CDK12: variants seen among roughly 807,000 people sequenced by gnomAD.
CDK12 encodes the protein cyclin-dependent kinase 12.
Under a neutral mutation model 133.8 loss-of-function variants are expected in CDK12, and 17 were observed. The ratio of observed to expected loss-of-function variants is 0.13; its 90% CI spans 0.09 to 0.19. The LOEUF (loss-of-function observed/expected upper bound fraction) is 0.19. Among genes scored for constraint, CDK12 ranks in the 10% least tolerant of loss-of-function variants. CDK12 has a pLI of 1.00. For missense variants in CDK12, 1,508 were observed against 1,818.7 expected (o/e 0.83, Z 3.11); for synonymous variants, 694 against 683.6 (o/e 1.02, Z -0.24).
intron 2 of CDK12, among the ~76,000 whole-genome samples, chr17:39,474,006 G>A (rs1392015759): frequency 6.6e-6 from 1 of 152,142 alleles, no homozygotes; most frequent in African/African-American, 2.4e-5. Flanking sequence ...GCAGTGAGCC[G>A]AGGTCATGCC....
intron 5 of CDK12, among the ~76,000 whole-genome samples, chr17:39,498,634 A>T (rs893585510): frequency 1.1e-4 from 17 of 152,006 alleles, no homozygotes; most frequent in Non-Finnish European, 2.5e-4. Flanking sequence ...GGCTCAAATG[A>T]TTCTCTTGCC....
intron 11 of CDK12, 104 bp downstream of exon 11, chr17:39,520,191 A>T: frequency 8.1e-7 from 1 of 1,231,412 alleles, no homozygotes; most frequent in South Asian, 1.4e-5. Flanking sequence ...CCAAATGAAG[A>T]GGTGTCTTTG....
At chr17:39,511,444 C>T in intron 7 of CDK12, 85 bp from the exon 8 acceptor site, 1 of 839,908 alleles carries the variant, frequency 1.2e-6, no homozygotes. Flanking sequence ...CATTTGGCAC[C>T]TATTTCTATT....
downstream of CDK12, among the ~76,000 whole-genome samples, chr17:39,537,235 A>G (rs1337991860): frequency 6.6e-6 from 1 of 152,116 alleles, no homozygotes; most frequent in Non-Finnish European, 1.5e-5. Flanking sequence ...AATGAGGGAC[A>G]CCCTTGGTGA....
chr17:39,496,942 T>TA (rs2052168957), intron 5 of CDK12, among the ~76,000 whole-genome samples: 4 of 92,730 alleles, frequency 4.3e-5, no homozygotes, highest in Admixed American at 2.3e-4. Context: ...TTTTTTTTTT[T>TA]AATTTTGAGA....
At chr17:39,565,287 A>C (rs1308615062), downstream of CDK12, among the ~76,000 whole-genome samples, 1 of 144,432 alleles carries the variant, frequency 6.9e-6, no homozygotes, top group Non-Finnish European at 1.5e-5. Flanking sequence ...CTAATTTTTT[A>C]GTATTTTTAG....
At chr17:39,484,409 T>C (rs2050957859) in intron 2 of CDK12, among the ~76,000 whole-genome samples, 1 of 152,176 alleles carries the variant, frequency 6.6e-6, no homozygotes, top group Non-Finnish European at 1.5e-5. Flanking sequence ...GACTGTGATG[T>C]ATAGTATCTG....
intron 2 of CDK12, among the ~76,000 whole-genome samples, chr17:39,481,034 A>G (rs1451327810): frequency 6.6e-6 from 1 of 152,038 alleles, no homozygotes; most frequent in African/African-American, 2.4e-5. Flanking sequence ...CCGGCGGATC[A>G]CCTGAGGTCG....
chr17:39,474,836 ATTTTTAT>A (rs891236355), intron 2 of CDK12, among the ~76,000 whole-genome samples: 2 of 18,178 alleles, frequency 1.1e-4, no homozygotes, highest in Non-Finnish European at 2.5e-4. Flanking sequence ...CTGATTTTTT[ATTTTTAT>A]TTTTTTTTGA....
At chr17:39,499,408 C>T (rs1403000241) in intron 5 of CDK12, among the ~76,000 whole-genome samples, 1 of 151,140 alleles carries the variant, frequency 6.6e-6, no homozygotes, top group Non-Finnish European at 1.5e-5. Context: ...AGGGTTTCAC[C>T]ATGTTGGGCA....
chr17:39,534,892 A>T (rs763632694), downstream of CDK12: 1 of 152,934 alleles, frequency 6.5e-6, no homozygotes, highest in Non-Finnish European at 1.5e-5. Flanking sequence ...CTCAACTGTC[A>T]TCAAGGGAAG....
chr17:39,505,641 A>T (rs1326258928), intron 6 of CDK12, among the ~76,000 whole-genome samples: 1 of 152,208 alleles, frequency 6.6e-6, no homozygotes, highest in Non-Finnish European at 1.5e-5. Flanking sequence ...TGGTCAAGAA[A>T]AGAGATTGAC....
rs142798057 is a variant in CDK12 at position 39,471,066 on chromosome 17, G to A, written c.1234G>A (p.Ala412Thr). The A allele has an allele frequency of 1.9e-6, 3 of 1,613,454 alleles. No individual in the cohort carries two copies. The highest frequency in any genetic ancestry group is 4.5e-5 in the East Asian group (2 of 44,882). Reference sequence around the variant, plus strand: ...GAAGGAAAGAGCAGCTGCTGCTGCTGCAGCAAAGATGGATGGAAAGGAGTC... The same window carrying A: ...GAAGGAAAGAGCAGCTGCTGCTGCTACAGCAAAGATGGATGGAAAGGAGTC... ...KKKERAAAAA[A>T]AKMDGKESKG... The change falls in exon 2 of 14, where the codon GCA becomes ACA. Residue 412 changes from alanine (A) to threonine (T), a missense_variant. Transcript: ENST00000447079.
chr17:39,530,356 G>A, intron 13 of CDK12: 1 of 442,116 alleles, frequency 2.3e-6, no homozygotes. Context: ...GGAAATCTTA[G>A]ACCAAAATCA....
At chr17:39,541,592 C>T (rs1172935528) in intron 1 of CDK12, among the ~76,000 whole-genome samples, 1 of 102,138 alleles carries the variant, frequency 9.8e-6, no homozygotes, top group Non-Finnish European at 2.3e-5. Context: ...ATCTCGATCT[C>T]CAGACCTCGT....
At chr17:39,487,538 T>C (rs1036130328) in intron 2 of CDK12, among the ~76,000 whole-genome samples, 1 of 152,102 alleles carries the variant, frequency 6.6e-6, no homozygotes, top group Non-Finnish European at 1.5e-5. Context: ...GGCCTGATTT[T>C]ATTTGTAGAC....
At chr17:39,508,949 G>A (rs1486299952) in intron 6 of CDK12, among the ~76,000 whole-genome samples, 1 of 145,894 alleles carries the variant, frequency 6.9e-6, no homozygotes, top group Non-Finnish European at 1.5e-5. Context: ...AGTGAGCCAG[G>A]GTTACACCAT....
upstream of CDK12, among the ~76,000 whole-genome samples, chr17:39,545,896 C>T (rs369213855): frequency 4.7e-4 from 70 of 147,750 alleles, no homozygotes; most frequent in Non-Finnish European, 8.4e-4. Context: ...TCCGGGTTCA[C>T]GCCATTCTCC....
At chr17:39,507,106 A>G (rs1031718598) in intron 6 of CDK12, among the ~76,000 whole-genome samples, 6 of 151,752 alleles carry the variant, frequency 4.0e-5, no homozygotes, top group Admixed American at 3.9e-4. Context: ...CATGTTGGCC[A>G]GGCTGGTCTC....
Sources: gnomAD v4.1 joint callset for allele counts (sites outside exome capture counted in the v4.1 genomes callset) on GRCh38, gnomAD v4.1.1 for gene constraint, MANE v1.5 for transcripts, NCBI Gene and HGNC (gene_info 2026-07-23, HGNC 2026-07-21) for gene names.